The following FLT3 variants were observed in gnomAD, a reference collection of about 807,000 sequenced individuals.
FLT3 encodes the protein receptor-type tyrosine-protein kinase FLT3.
In FLT3, 46 loss-of-function variants were observed where a neutral mutation model predicts 126.6. That is an observed-to-expected ratio of 0.36 (90% CI 0.29 to 0.46). FLT3 has a LOEUF of 0.46. FLT3 is among the 20% of genes least tolerant of loss of function. FLT3 has a pLI of 1.00. For missense variants in FLT3, 1,069 were observed against 1,190.3 expected (o/e 0.90, Z 1.50); for synonymous variants, 404 against 434.4 (o/e 0.93, Z 0.87).
At chr13:28,074,832 ATT>A (rs1326394992) in intron 1 of FLT3, among the ~76,000 whole-genome samples, 1 of 151,464 alleles carries the variant, frequency 6.6e-6, no homozygotes, top group Non-Finnish European at 1.5e-5. Flanking sequence ...TAATTTTTGT[ATT>A]TTTTGTCCAG....
At chr13:28,079,348 A>G (rs905114990) in intron 1 of FLT3, among the ~76,000 whole-genome samples, 2 of 152,138 alleles carry the variant, frequency 1.3e-5, no homozygotes, top group African/African-American at 2.4e-5. Flanking sequence ...ATTTTTGTCA[A>G]AGCCATTCAA....
intron 10 of FLT3, 79 bp downstream of exon 10, chr13:28,037,106 C>T (rs1276898287): frequency 2.3e-5 from 20 of 854,530 alleles, no homozygotes; most frequent in Non-Finnish European, 3.7e-5. Context: ...TAAGCCATTA[C>T]TTAACTTTTC....
chr13:28,089,792 T>C (rs1221805756), intron 1 of FLT3, among the ~76,000 whole-genome samples: 1 of 151,054 alleles, frequency 6.6e-6, no homozygotes, highest in Admixed American at 6.6e-5. Flanking sequence ...TGGAGTGCAG[T>C]GGAGTGATCT....
chr13:28,074,610 G>A (rs913150089), intron 1 of FLT3, among the ~76,000 whole-genome samples: 23 of 151,970 alleles, frequency 1.5e-4, no homozygotes, highest in South Asian at 2.1e-4. Flanking sequence ...TTTCTAATAA[G>A]TGTGTTGTAT....
intron 4 of FLT3, among the ~76,000 whole-genome samples, chr13:28,054,575 A>T (rs183009340): frequency 3.3e-5 from 5 of 152,150 alleles, no homozygotes; most frequent in African/African-American, 1.2e-4. Context: ...AACAACAACA[A>T]AAAGCAAAAA....
In FLT3 at chr13:28,027,116, G is replaced by T. The variant is rs762970489; in HGVS notation, c.2179C>A (p.Pro727Thr). ...GAATTTGGATGTGATTGGAAAGTGGGGTAAAAACTGAAATTGTGTTCCTTG... is the reference window on the plus strand; with the variant it reads ...GAATTTGGATGTGATTGGAAAGTGGTGTAAAAACTGAAATTGTGTTCCTTG... ...IFKEHNFSFY[P>T]TFQSHPNSSM... The change falls in exon 17 of 24, where the codon CCC becomes ACC. Residue 727 changes from proline (P) to threonine (T), a missense_variant. Transcript: ENST00000241453. 1 of 1,613,594 alleles carries T rather than the reference G, an allele frequency of 6.2e-7. No individual in the cohort carries two copies. Among genetic ancestry groups the T allele is most frequent in the South Asian group, 1.1e-5 (1 of 90,934 alleles).
At chr13:28,078,334 A>C (rs112243961) in intron 1 of FLT3, among the ~76,000 whole-genome samples, 3,210 of 152,328 alleles carry the variant, frequency 0.021, 99 homozygotes, top group African/African-American at 0.072. Context: ...ATCTAGGCAG[A>C]GGTTCCCAAA....
chr13:28,092,393 G>T (rs1193727355), intron 1 of FLT3, among the ~76,000 whole-genome samples: 3 of 151,734 alleles, frequency 2.0e-5, no homozygotes, highest in Non-Finnish European at 2.9e-5. Flanking sequence ...TTTAGATAGG[G>T]TCTCGCTCTA....
At chr13:28,041,215 GC>G (rs1387039741) in intron 9 of FLT3, among the ~76,000 whole-genome samples, 1 of 152,098 alleles carries the variant, frequency 6.6e-6, no homozygotes, top group Non-Finnish European at 1.5e-5. Flanking sequence ...TGTGGAAGAG[GC>G]TGGCGTGGAA....
At position 28,052,621 on chromosome 13, in the gene FLT3, C is replaced by G. The variant is rs1229944453; in HGVS notation, c.538G>C (p.Asp180His). 6.2e-7 allele frequency: 1 copy of G among 1,613,164 alleles called. No homozygotes were observed. The highest frequency in any genetic ancestry group is 1.7e-5 in the Admixed American group (1 of 59,992). Residue 180 changes from aspartate (D) to histidine (H), a missense_variant, in exon 5 of 24, where the codon GAC becomes CAC. Physicochemically the swap from Asp to His is moderately conservative, Grantham distance 81. Coordinates refer to ENST00000241453, the MANE Select transcript of FLT3 (RefSeq NM_004119.3). ...RPYFRKMENQ[D>H]ALVCISESVP... ...CTCTCAGATATGCAGACCAGGGCGT[C>G]CTGGTTTTCCATTTTTCTAAAGTAA...
intron 1 of FLT3, among the ~76,000 whole-genome samples, chr13:28,082,726 C>T (rs1180371846): frequency 3.3e-5 from 5 of 150,012 alleles, no homozygotes; most frequent in East Asian, 1.9e-4. Flanking sequence ...TTTTTTGAGA[C>T]GGAGTCTTGC....
rs1304979545 is a variant in FLT3 at position 28,049,465 on chromosome 13, A to C, written c.955T>G (p.Ser319Ala). The change falls in exon 8 of 24, where the codon TCA (serine) becomes GCA (alanine). Residue 319 changes from serine to alanine, a missense_variant. Physicochemically the swap from Ser to Ala is moderately conservative, Grantham distance 99. Coordinates refer to ENST00000241453, the MANE Select transcript of FLT3 (RefSeq NM_004119.3). ...MIRILFAFVSSVARNDTGYYT... is the reference protein window; with the variant it reads ...MIRILFAFVSAVARNDTGYYT... ...TATCCGGTGTCGTTTCTTGCCACTGATGATACAAAAGCAAACAGAATCCGT... is the reference window on the plus strand; with the variant it reads ...TATCCGGTGTCGTTTCTTGCCACTGCTGATACAAAAGCAAACAGAATCCGT... 1.2e-6 allele frequency: 2 copies of C among 1,613,960 alleles called. No homozygotes were observed. Among genetic ancestry groups the C allele is most frequent in the Admixed American group, 3.3e-5 (2 of 60,022 alleles).
chr13:28,049,950 G>A, intron 6 of FLT3, 145 bp downstream of exon 6: 1 of 1,135,024 alleles, frequency 8.8e-7, no homozygotes, highest in Non-Finnish European at 1.3e-6. Context: ...AGCATTTACA[G>A]AATCCATAAT....
chr13:28,087,757 TGCC>T (rs1460092853), intron 1 of FLT3, among the ~76,000 whole-genome samples: 3 of 152,184 alleles, frequency 2.0e-5, no homozygotes, highest in African/African-American at 7.2e-5. Flanking sequence ...TCTGTTGCTA[TGCC>T]GCCAAGTCCA....
At position 28,100,315 on chromosome 13, in the gene FLT3, G is replaced by C. The variant is rs994848401; in HGVS notation, c.43+153C>G. On this transcript the variant is annotated intron_variant, in intron 1 of 23. Transcript: ENST00000241453. The surrounding 1 kb of genome is among the most constrained non-coding windows in gnomAD (Gnocchi z 4.8). ...CAAGTAGTGGGCGAGTCCGGAGGGC[G>C]CGAAAGAGGGGAGGGGCGCGGGAGG... Among the ~76,000 whole-genome samples, 2 of 152,116 alleles carry C rather than the reference G, an allele frequency of 1.3e-5. No individual in the cohort carries two copies. The highest frequency in any genetic ancestry group is 4.8e-5 in the African/African-American group (2 of 41,438).
chr13:28,031,106 T>C (rs1316303882), intron 15 of FLT3, among the ~76,000 whole-genome samples: 2 of 151,624 alleles, frequency 1.3e-5, no homozygotes. Context: ...TGGGTGCCTG[T>C]AGTCCCAGCT....
chr13:28,049,333 A>C (rs1875207469), intron 8 of FLT3, 51 bp downstream of exon 8: 1 of 1,530,048 alleles, frequency 6.5e-7, no homozygotes, highest in Non-Finnish European at 8.9e-7. Flanking sequence ...CACATTCCAC[A>C]CTACAGCGAC....
At chr13:28,091,672 C>G (rs1349515433) in intron 1 of FLT3, among the ~76,000 whole-genome samples, 1 of 152,076 alleles carries the variant, frequency 6.6e-6, no homozygotes, top group Non-Finnish European at 1.5e-5. Context: ...CAGTGGCTCA[C>G]GCCTGTAATC....
intron 9 of FLT3, among the ~76,000 whole-genome samples, chr13:28,044,691 G>C (rs73439107): frequency 3.3e-5 from 5 of 152,098 alleles, no homozygotes; most frequent in Admixed American, 3.3e-4. Context: ...ATAACACCTG[G>C]TACATTATCA....
Sources: allele counts gnomAD v4.1 joint callset (sites outside exome capture counted in the v4.1 genomes callset), GRCh38; gene constraint gnomAD v4.1.1; non-coding constraint Gnocchi (gnomAD v3.1); transcripts MANE v1.5; gene names NCBI Gene and HGNC (gene_info 2026-07-23, HGNC 2026-07-21).